The following MROH6 variants were observed in gnomAD, a reference collection of about 807,000 sequenced individuals.
MROH6 encodes maestro heat-like repeat-containing protein family member 6.
MROH6 carries 62 observed loss-of-function variants against 67.7 expected under a neutral mutation model. That is an observed-to-expected ratio of 0.92 (90% CI 0.75 to 1.13). The LOEUF (loss-of-function observed/expected upper bound fraction) is 1.13, where lower values mean the gene tolerates loss of function less well. Among genes scored for constraint, MROH6 ranks in the 50% most tolerant of loss-of-function variants. The pLI is 0.00. For missense variants in MROH6, 1,175 were observed against 1,029.1 expected (o/e 1.14, Z -1.94); for synonymous variants, 566 against 470.8 (o/e 1.20, Z -2.62).
rs1340867172 is a variant in MROH6 at position 143,568,148 on chromosome 8, G to T, written c.1758C>A (p.Cys586Ter). 1 of 1,606,226 alleles carries T rather than the reference G, an allele frequency of 6.2e-7. No individual in the cohort carries two copies. Among genetic ancestry groups the T allele is most frequent in the South Asian group, 1.1e-5 (1 of 89,670 alleles). Residue 586 changes from cysteine (C) to a stop codon, truncating the protein, a stop_gained, in exon 11 of 14, where the codon TGC (cysteine) becomes TGA (stop). Coordinates refer to ENST00000398882, the MANE Select transcript of MROH6 (RefSeq NM_001100878.2). LOFTEE classifies it high-confidence loss of function. ...CCTTGCTTCCCCTACTGACCAGGCG[G>T]CAGCAGAGGTGGCTCAGGGCCTCGG... ...DSPEALSHLC[C>*]RLVQRYPGHV... is the part of the protein sequence containing the mutation.
At chr8:143,571,901 C>T (rs942482322) in intron 2 of MROH6, 80 bp from the exon 3 acceptor site, 1 of 1,495,138 alleles carries the variant, frequency 6.7e-7, no homozygotes, top group African/African-American at 1.4e-5. Context: ...CCACCTCCAC[C>T]CCCACCCTGA....
intron 3 of MROH6, 50 bp from the exon 4 acceptor site, chr8:143,571,044 A>C: frequency 6.8e-7 from 1 of 1,469,946 alleles, no homozygotes. Flanking sequence ...GTGGGTGTCC[A>C]GGGAATGTAG....
In MROH6 at chr8:143,569,440, C is replaced by T. The variant is rs1343621201; in HGVS notation, c.1476+1G>A. The T allele has an allele frequency of 2.1e-6, 3 of 1,442,186 alleles. No individual in the cohort carries two copies. The highest frequency in any genetic ancestry group is 1.5e-5 in the African/African-American group (1 of 66,494). The allele number at this position is 1,442,186 out of a possible 1,614,324, so 89.3% of individuals were successfully genotyped here. A position where few individuals can be genotyped will look rare whatever the true frequency, so the allele number is the denominator to read the frequency against. On this transcript the variant is annotated splice_donor_variant, in intron 9 of 13. Coordinates refer to ENST00000398882, the MANE Select transcript of MROH6 (RefSeq NM_001100878.2). LOFTEE classifies it high-confidence loss of function. ...GACCCGGAGGCGGGGCGTTTGCTCA[C>T]GTCGTCCAGTAGCGGAGGGAGGCGC... is the stretch of plus-strand genomic sequence containing the variant.
Position 143,567,168 on chromosome 8 carries a change from G to A in MROH6, c.*71C>T. On this transcript the variant is annotated 3_prime_UTR_variant, in exon 14 of 14. Coordinates refer to ENST00000398882, the MANE Select transcript of MROH6 (RefSeq NM_001100878.2). ...CAGGCCCAGGGAGCCCCTCCGTCAG[G>A]GCGGGGACAGGCTGCTATGCGCGTG... The A allele has an allele frequency of 1.1e-6, 1 of 884,676 alleles. No individual in the cohort carries two copies. The highest frequency in any genetic ancestry group is 1.5e-6 in the Non-Finnish European group (1 of 677,176). The allele number at this position is 884,676 out of a possible 1,614,324, so 54.8% of individuals were successfully genotyped here.
At position 143,569,772 on chromosome 8, in the gene MROH6, C is replaced by A. The variant is rs370331374; in HGVS notation, c.1227G>T (p.Trp409Cys). The A allele has an allele frequency of 8.7e-6, 14 of 1,612,808 alleles. No homozygotes were observed. Among genetic ancestry groups the A allele is most frequent in the Non-Finnish European group, 8.5e-6 (10 of 1,179,702 alleles). ...GCACAGTGGGTTCGGGGTCTCCCTG[C>A]CAGGTGAGGAGTCGCTCCAGGATGA... ...EEVILERLLT[W>C]QGDPEPTVRW... Residue 409 changes from tryptophan to cysteine, a missense_variant, in exon 8 of 14, where the codon TGG (tryptophan) becomes TGT (cysteine). Physicochemically the swap from Trp to Cys is radical, Grantham distance 215. Transcript: ENST00000398882.
In MROH6 at chr8:143,566,729, G is replaced by T. The variant is rs181961596; in HGVS notation, c.*510C>A. ...TGGCCTGGCTGAGAGGGCACAGCAG[G>T]TGTGGCCGGGAGACAGGTCAATAAT... On this transcript the variant is annotated 3_prime_UTR_variant, in exon 14 of 14. Transcript: ENST00000398882. 6.6e-6 allele frequency: 1 copy of T among 152,396 alleles called. No individual in the cohort carries two copies. The highest frequency in any genetic ancestry group is 6.5e-5 in the Admixed American group (1 of 15,290). 9.4% of individuals were successfully genotyped at this position (152,396 alleles called of 1,614,324 possible). A position where few individuals can be genotyped will look rare whatever the true frequency, so the allele number is the denominator to read the frequency against.
chr8:143,570,657 C>G lies in MROH6; in HGVS notation c.721G>C (p.Ala241Pro). Residue 241 changes from alanine (A) to proline (P), a missense_variant and splice_region_variant, in exon 5 of 14, where the codon GCC becomes CCC. By Grantham distance (27) the Ala-to-Pro change is conservative. Transcript: ENST00000398882. ...AGCATCTCCCCAAGAGCACGTGTGGCCTGTGGAGCAAGTGGCCCACTCAGG... is the reference window on the plus strand; with the variant it reads ...AGCATCTCCCCAAGAGCACGTGTGGGCTGTGGAGCAAGTGGCCCACTCAGG... ...ASGPEPQALAATRALGEMLAV... is the reference protein window; with the variant it reads ...ASGPEPQALAPTRALGEMLAV... The G allele has an allele frequency of 1.9e-6, 3 of 1,590,926 alleles. No individual in the cohort carries two copies. Among genetic ancestry groups the G allele is most frequent in the Non-Finnish European group, 2.6e-6 (3 of 1,174,610 alleles).
intron 4 of MROH6, 35 bp downstream of exon 4, chr8:143,570,842 G>GC (rs1823986432): frequency 6.3e-4 from 264 of 420,366 alleles, no homozygotes; most frequent in Non-Finnish European, 8.5e-4. Flanking sequence ...CCCCACCCCC[G>GC]CCCCCACCCC....
Position 143,569,986 on chromosome 8 carries a change from G to GGTCGTCCGCGCTGCGA in MROH6, c.1107_1122dup (p.Pro375SerfsTer172), listed in dbSNP as rs369412667. On this transcript the variant is annotated frameshift_variant, in exon 7 of 14. Coordinates refer to ENST00000398882, the MANE Select transcript of MROH6 (RefSeq NM_001100878.2). LOFTEE classifies it high-confidence loss of function. ...AAGGCCATAGCCGTGAGACGCTGCG[G>GGTCGTCCGCGCTGCGA]GTCGTCCGCGCTGCGAAGCCGAGGG... 2.7e-4 allele frequency: 436 copies of GGTCGTCCGCGCTGCGA among 1,613,234 alleles called. 2 individuals are homozygous for GGTCGTCCGCGCTGCGA. In the African/African-American group the frequency reaches 5.2e-3, roughly 19 times the overall value.
In MROH6 at chr8:143,569,986, G is replaced by A. The variant is rs376788107; in HGVS notation, c.1123C>T (p.Pro375Ser). Reference sequence around the variant, plus strand: ...AAGGCCATAGCCGTGAGACGCTGCGGGTCGTCCGCGCTGCGAAGCCGAGGG... The same window carrying A: ...AAGGCCATAGCCGTGAGACGCTGCGAGTCGTCCGCGCTGCGAAGCCGAGGG... ...LLPRLRSADDPQRLTAMAFFT... is the reference protein window; with the variant it reads ...LLPRLRSADDSQRLTAMAFFT... The change falls in exon 7 of 14, where the codon CCG (proline) becomes TCG (serine). Residue 375 changes from proline (P) to serine (S), a missense_variant. Physicochemically the swap from Pro to Ser is moderately conservative, Grantham distance 74. Transcript: ENST00000398882. The A allele has an allele frequency of 2.1e-3, 3,411 of 1,613,174 alleles. 73 individuals carry two copies. In the African/African-American group the frequency reaches 0.041, roughly 19 times the overall value.
In MROH6 at chr8:143,567,290, C is replaced by T. The variant is rs1823665760; in HGVS notation, c.2109G>A (p.Gln703=). ...PPPVFADSPF[Q]RRSVAGRWGC... ...CCCAGCGGCCCGCGACGCTCCGGCG[C>T]TGGAAGGGGCTGTCGGCGAAGACTG... is the stretch of plus-strand genomic sequence containing the variant. Residue 703 remains glutamine, a synonymous_variant, in exon 14 of 14, where the codon CAG becomes CAA. Coordinates refer to ENST00000398882, the MANE Select transcript of MROH6 (RefSeq NM_001100878.2). The T allele has an allele frequency of 3.3e-6, 4 of 1,222,222 alleles. No individual in the cohort carries two copies. The highest frequency in any genetic ancestry group is 4.1e-6 in the Non-Finnish European group (4 of 981,748). 75.7% of individuals were successfully genotyped at this position (1,222,222 alleles called of 1,614,324 possible). A position where few individuals can be genotyped will look rare whatever the true frequency, so the allele number is the denominator to read the frequency against.
Position 143,567,108 on chromosome 8 carries a change from G to T in MROH6, c.*131C>A. The T allele has an allele frequency of 2.4e-6, 1 of 421,054 alleles. No individual in the cohort carries two copies. The allele number at this position is 421,054 out of a possible 1,614,324, so 26.1% of individuals were successfully genotyped here. On this transcript the variant is annotated 3_prime_UTR_variant, in exon 14 of 14. Coordinates refer to ENST00000398882, the MANE Select transcript of MROH6 (RefSeq NM_001100878.2). The stretch of plus-strand genomic sequence containing the variant: ...TGGGTGCCTGAAGAGGGGTCACGGG[G>T]GTGGGGGGTGGGGGAGGGCATTGGC...
In MROH6 at chr8:143,570,486, G is replaced by A; in HGVS notation, c.892C>T (p.His298Tyr). 7.4e-6 allele frequency: 12 copies of A among 1,612,712 alleles called. No homozygotes were observed. Among genetic ancestry groups the A allele is most frequent in the South Asian group, 1.1e-5 (1 of 91,024 alleles). The change falls in exon 5 of 14, where the codon CAT becomes TAT. Residue 298 changes from histidine (H) to tyrosine (Y), a missense_variant. Coordinates refer to ENST00000398882, the MANE Select transcript of MROH6 (RefSeq NM_001100878.2). ...IWVLSHRGPPHSHASCAVEAL... is the reference protein window; with the variant it reads ...IWVLSHRGPPYSHASCAVEAL... The stretch of plus-strand genomic sequence containing the variant: ...GTTGCCTCTCACCTGGCATGGCTAT[G>A]TGGTGGCCCTCGGTGGGACAGAACC...
Position 143,570,424 on chromosome 8 carries a change from G to A in MROH6, c.906-44C>T, listed in dbSNP as rs376339297. 2.4e-6 allele frequency: 3 copies of A among 1,274,128 alleles called. No individual in the cohort carries two copies. The African/African-American group carries it at 4.4e-5, about 19-fold the overall frequency. The allele number at this position is 1,274,128 out of a possible 1,614,324, so 78.9% of individuals were successfully genotyped here. A position where few individuals can be genotyped will look rare whatever the true frequency, so the allele number is the denominator to read the frequency against. On this transcript the variant is annotated intron_variant, in intron 5 of 13. Coordinates refer to ENST00000398882, the MANE Select transcript of MROH6 (RefSeq NM_001100878.2). The stretch of plus-strand genomic sequence containing the variant: ...AGCAGGTGGGCAGTGGGAGCTGAGA[G>A]GGTGACAGCATGCTGGCCCGCCCCA...
At position 143,572,567 on chromosome 8, in the gene MROH6, C is replaced by T; in HGVS notation, c.148G>A (p.Val50Ile). The change falls in exon 1 of 14, where the codon GTC becomes ATC. Residue 50 changes from valine (V) to isoleucine (I), a missense_variant. Val to Ile is a conservative substitution (Grantham distance 29, BLOSUM62 3). Coordinates refer to ENST00000398882, the MANE Select transcript of MROH6 (RefSeq NM_001100878.2). ...GTCTGTGGCTCAGCCTCAGGTTTGACCTCCCAGGACTTGGGCTGAGGGCCT... is the reference window on the plus strand; with the variant it reads ...GTCTGTGGCTCAGCCTCAGGTTTGATCTCCCAGGACTTGGGCTGAGGGCCT... ...SAGPQPKSWE[V>I]KPEAEPQTQA... is the part of the protein sequence containing the mutation. 1.2e-6 allele frequency: 2 copies of T among 1,606,132 alleles called. No homozygotes were observed. The highest frequency in any genetic ancestry group is 1.1e-5 in the South Asian group (1 of 90,016).
Position 143,569,463 on chromosome 8 carries a change from C to T in MROH6, c.1454G>A (p.Arg485His). ...VRLLSAELGP[R>H]LPPLLDDTRD... ...CACGTCGTCCAGTAGCGGAGGGAGG[C>T]GCGGTCCCAGCTCCGCGCTCAGGAG... Residue 485 changes from arginine (R) to histidine (H), a missense_variant, in exon 9 of 14, where the codon CGC becomes CAC. Arg to His is a conservative substitution (Grantham distance 29). Coordinates refer to ENST00000398882, the MANE Select transcript of MROH6 (RefSeq NM_001100878.2). 1 of 1,461,024 alleles carries T rather than the reference C, an allele frequency of 6.8e-7. No individual in the cohort carries two copies. The highest frequency in any genetic ancestry group is 9.0e-7 in the Non-Finnish European group (1 of 1,117,182). 90.5% of individuals were successfully genotyped at this position (1,461,024 alleles called of 1,614,324 possible).
rs754633199 is a variant in MROH6, at chr8:143,572,095, G to A, written c.385C>T (p.Gln129Ter). ...GAGGACAGGGTGAGCACTGTCGCCTGGGTCCCTGCAAAGCCAGCCTCCTCC... is the reference window on the plus strand; with the variant it reads ...GAGGACAGGGTGAGCACTGTCGCCTAGGTCCCTGCAAAGCCAGCCTCCTCC... ...CLEEAGFAGT[Q>*]ATVLTLSSAL... The change falls in exon 2 of 14, where the codon CAG (glutamine) becomes TAG (stop). Residue 129 changes from glutamine to a stop codon, truncating the protein, a stop_gained. Transcript: ENST00000398882. LOFTEE classifies it high-confidence loss of function. 1 of 1,612,810 alleles carries A rather than the reference G, an allele frequency of 6.2e-7. No homozygotes were observed. The highest frequency in any genetic ancestry group is 1.1e-5 in the South Asian group (1 of 91,058).
rs770412059 is a variant in MROH6 at position 143,572,688 on chromosome 8, G to C, written c.27C>G (p.Ser9Arg). The change falls in exon 1 of 14, where the codon AGC becomes AGG. Residue 9 changes from serine to arginine, a missense_variant. Transcript: ENST00000398882. ...CCCCCACGGGAGCCTCCCGGGCCCG[G>C]CTCCGGCCCCACACACCCCCAGCCA... MAGGVWGR[S>R]RAREAPVGAL... 7 of 1,515,544 alleles carry C rather than the reference G, an allele frequency of 4.6e-6. No homozygotes were observed. Among genetic ancestry groups the C allele is most frequent in the African/African-American group, 2.7e-5 (2 of 72,828 alleles). 93.9% of individuals were successfully genotyped at this position (1,515,544 alleles called of 1,614,324 possible).
rs1356078888 is a variant in MROH6, at chr8:143,567,488, G to C, written c.1934-23C>G. On this transcript the variant is annotated intron_variant, in intron 13 of 13. Coordinates refer to ENST00000398882, the MANE Select transcript of MROH6 (RefSeq NM_001100878.2). ...GGTCTGCGAGGAGATCGCGGCTCAG[G>C]CTGGGGAGCCCAGGAGGGCCGAGTG... 12 of 1,432,450 alleles carry C rather than the reference G, an allele frequency of 8.4e-6. No individual in the cohort carries two copies. In the East Asian group the frequency reaches 2.9e-4, roughly 35 times the overall value. 88.7% of individuals were successfully genotyped at this position (1,432,450 alleles called of 1,614,324 possible).
Sources: allele counts gnomAD v4.1 joint callset, GRCh38; gene constraint gnomAD v4.1.1; transcripts MANE v1.5; gene names NCBI Gene and HGNC (gene_info 2026-07-23, HGNC 2026-07-21).